The following PDGFC variants were observed in gnomAD, a reference collection of about 807,000 sequenced individuals.
PDGFC encodes the protein platelet derived growth factor C.
Under a neutral mutation model 35.5 loss-of-function variants are expected in PDGFC, and 12 were observed. The ratio of observed to expected loss-of-function variants is 0.34; its 90% CI spans 0.22 to 0.55. PDGFC has a LOEUF of 0.55. PDGFC is among the 20% of genes least tolerant of loss of function. PDGFC has a pLI of 0.91. For synonymous variants in PDGFC, 159 were observed against 148.8 expected (o/e 1.07, Z -0.50); for missense variants, 322 against 412.4 (o/e 0.78, Z 1.90).
chr4:156,900,149 C>G (rs780708987), intron 1 of PDGFC, among the ~76,000 whole-genome samples: 6 of 152,314 alleles, frequency 3.9e-5, no homozygotes, highest in Non-Finnish European at 8.8e-5. Context: ...ATCCCAATCT[C>G]CAATCTTGAT....
intron 3 of PDGFC, among the ~76,000 whole-genome samples, chr4:156,808,674 G>A (rs983249048): frequency 6.6e-6 from 1 of 151,816 alleles, no homozygotes; most frequent in African/African-American, 2.4e-5. Context: ...ATGGAGGGAG[G>A]GGTGTAATTT....
chr4:156,782,794 T>C (rs778657513), intron 3 of PDGFC, among the ~76,000 whole-genome samples: 1 of 152,170 alleles, frequency 6.6e-6, no homozygotes, highest in Non-Finnish European at 1.5e-5. Context: ...GCTTCTTCTA[T>C]TGATACAAGC....
intron 1 of PDGFC, among the ~76,000 whole-genome samples, chr4:156,879,750 G>A (rs1218316722): frequency 6.6e-6 from 1 of 152,050 alleles, no homozygotes; most frequent in East Asian, 1.9e-4. Context: ...AATAAACATA[G>A]TTCTTTCAAA....
chr4:156,921,044 AAAGAAT>A (rs1349535402), intron 1 of PDGFC, among the ~76,000 whole-genome samples: 1 of 152,202 alleles, frequency 6.6e-6, no homozygotes, highest in Non-Finnish European at 1.5e-5. Flanking sequence ...AGCTGGACCA[AAAGAAT>A]AAGACAACCA....
At chr4:156,939,168 A>G (rs1416791747) in intron 1 of PDGFC, among the ~76,000 whole-genome samples, 2 of 152,082 alleles carry the variant, frequency 1.3e-5, no homozygotes, top group African/African-American at 2.4e-5. Flanking sequence ...TTTAATTTAC[A>G]TATCGTTTTT....
chr4:156,952,751 A>G (rs769930897), intron 1 of PDGFC, among the ~76,000 whole-genome samples: 11 of 151,904 alleles, frequency 7.2e-5, no homozygotes, highest in Non-Finnish European at 1.0e-4. Context: ...TTTCCTTGGT[A>G]TTGTTTACTA....
chr4:156,791,651 A>G (rs1731302883), intron 3 of PDGFC, among the ~76,000 whole-genome samples: 1 of 152,170 alleles, frequency 6.6e-6, no homozygotes, highest in African/African-American at 2.4e-5. Flanking sequence ...GCAAACATAG[A>G]TTTTACATAT....
At chr4:156,850,106 A>G in intron 2 of PDGFC, 115 bp downstream of exon 2, 1 of 534,082 alleles carries the variant, frequency 1.9e-6, no homozygotes, top group Non-Finnish European at 3.1e-6. Context: ...AATTTCTTAG[A>G]TCATCAGAAA....
intron 1 of PDGFC, 24 bp downstream of exon 1, chr4:156,970,762 G>C (rs751263984): frequency 2.0e-5 from 28 of 1,377,964 alleles, no homozygotes; most frequent in Non-Finnish European, 2.9e-5. Context: ...AAACAAGCAG[G>C]GGGAGAATGG....
At chr4:156,780,319 A>G (rs1166816681) in intron 3 of PDGFC, among the ~76,000 whole-genome samples, 4 of 152,124 alleles carry the variant, frequency 2.6e-5, no homozygotes, top group Non-Finnish European at 5.9e-5. Context: ...TGAACTTCCA[A>G]TGAAAGAAAA....
intron 3 of PDGFC, among the ~76,000 whole-genome samples, chr4:156,807,751 C>T (rs1731809024): frequency 6.6e-6 from 1 of 151,954 alleles, no homozygotes; most frequent in African/African-American, 2.4e-5. Flanking sequence ...AGGGTTATCT[C>T]TTTACCTGTG....
At chr4:156,833,751 T>G (rs1437938134) in intron 2 of PDGFC, among the ~76,000 whole-genome samples, 1 of 152,198 alleles carries the variant, frequency 6.6e-6, no homozygotes, top group Non-Finnish European at 1.5e-5. Flanking sequence ...ATTTACTTGC[T>G]CTTTAAACTT....
intron 1 of PDGFC, among the ~76,000 whole-genome samples, chr4:156,908,186 C>T (rs1414074995): frequency 6.6e-6 from 1 of 151,934 alleles, no homozygotes; most frequent in African/African-American, 2.4e-5. Flanking sequence ...AAAGCAGCAG[C>T]TTTCCTTTAT....
chr4:156,851,888 G>T (rs373843998), intron 1 of PDGFC, among the ~76,000 whole-genome samples: 3 of 125,988 alleles, frequency 2.4e-5, no homozygotes, highest in African/African-American at 9.2e-5. Flanking sequence ...GGGAGATCCC[G>T]CCACTGCACT....
At chr4:156,842,043 A>G (rs1261964002) in intron 2 of PDGFC, 2 of 152,094 alleles carry the variant, frequency 1.3e-5, no homozygotes, top group Non-Finnish European at 2.9e-5. Context: ...CCCATGTAAA[A>G]TTTCCCTGTT....
At chr4:156,856,360 T>A (rs897184072) in intron 1 of PDGFC, among the ~76,000 whole-genome samples, 12 of 152,106 alleles carry the variant, frequency 7.9e-5, no homozygotes, top group Non-Finnish European at 4.4e-5. Context: ...TGAGAACCTA[T>A]TATGTTTCAA....
chr4:156,827,241 C>A (rs1728793183), intron 2 of PDGFC, among the ~76,000 whole-genome samples: 1 of 151,976 alleles, frequency 6.6e-6, no homozygotes, highest in African/African-American at 2.4e-5. Flanking sequence ...CATGGTGAAA[C>A]CTCGTCTCTA....
intron 2 of PDGFC, among the ~76,000 whole-genome samples, chr4:156,818,544 G>A (rs1309483232): frequency 4.7e-4 from 52 of 109,712 alleles, no homozygotes; most frequent in African/African-American, 1.2e-3. Context: ...TTTTTGAGAC[G>A]GAGTCTCGCT....
In PDGFC at chr4:156,830,135, A is replaced by G. The variant is rs761968404; in HGVS notation, c.315-19118T>C. 8.3e-4 allele frequency among the ~76,000 whole-genome samples: 127 copies of G among 152,158 alleles called. 1 individual carries two copies. The highest frequency in any genetic ancestry group is 1.8e-3 in the Admixed American group (27 of 15,270). On this transcript the variant is annotated intron_variant, in intron 2 of 5. Coordinates refer to ENST00000502773, the MANE Select transcript of PDGFC (RefSeq NM_016205.3). Reference sequence around the variant, plus strand: ...ATTTCAATTACTAAGTTGAAAAATTATAAGTATTTTTATATAAAGTAGAAT... The same window carrying G: ...ATTTCAATTACTAAGTTGAAAAATTGTAAGTATTTTTATATAAAGTAGAAT...
Sources: gnomAD v4.1 joint callset for allele counts (sites outside exome capture counted in the v4.1 genomes callset) on GRCh38, gnomAD v4.1.1 for gene constraint, MANE v1.5 for transcripts, NCBI Gene and HGNC (gene_info 2026-07-23, HGNC 2026-07-21) for gene names.